Variants in ARL17B observed in about 807,000 individuals in gnomAD.
ARL17B encodes the protein ARF like GTPase 17B, also known as ADP-ribosylation factor-like protein 17.
At chr17:46,285,776 A>G (rs2049892195) in intron 4 of ARL17B, among the ~76,000 whole-genome samples, 1 of 152,234 alleles carries the variant, frequency 6.6e-6, no homozygotes, top group African/African-American at 2.4e-5. Context: ...GAGAGTCAGT[A>G]AATAATCACT....
At chr17:46,286,824 G>A (rs1384685629) in intron 4 of ARL17B, among the ~76,000 whole-genome samples, 1 of 152,260 alleles carries the variant, frequency 6.6e-6, no homozygotes, top group Non-Finnish European at 1.5e-5. Flanking sequence ...TGCAGATACA[G>A]TACAATTCCT....
At chr17:46,286,138 T>C (rs1346426787) in intron 4 of ARL17B, among the ~76,000 whole-genome samples, 2 of 152,272 alleles carry the variant, frequency 1.3e-5, no homozygotes, top group Non-Finnish European at 2.9e-5. Flanking sequence ...GATGGGATGA[T>C]GTTACTTATA....
At chr17:46,317,596 TCTC>T (rs898387450) in intron 3 of ARL17B, among the ~76,000 whole-genome samples, 1 of 18,894 alleles carries the variant, frequency 5.3e-5, no homozygotes, top group African/African-American at 1.2e-4. Flanking sequence ...CTGTTTTTCT[TCTC>T]CTGGGACGCT....
intron 4 of ARL17B, among the ~76,000 whole-genome samples, chr17:46,287,624 G>T (rs1257268232): frequency 6.6e-6 from 1 of 152,262 alleles, no homozygotes; most frequent in East Asian, 1.9e-4. Context: ...ATGGAATATG[G>T]CATGGGCCAC....
At chr17:46,291,287 T>TA (rs1036979030) in intron 4 of ARL17B, among the ~76,000 whole-genome samples, 1 of 151,734 alleles carries the variant, frequency 6.6e-6, no homozygotes, top group African/African-American at 2.4e-5. Flanking sequence ...CAAGTGAGAG[T>TA]AAAATATAAA....
exon 5 of ARL17B, chr17:46,275,134 C>T (rs2696538): frequency 0.16 from 35,313 of 219,790 alleles, 2 homozygotes; most frequent in Middle Eastern, 0.25. Flanking sequence ...TCAGATGATC[C>T]GCCCGCCTTG....
At chr17:46,279,884 C>G (rs1364762372) in intron 4 of ARL17B, among the ~76,000 whole-genome samples, 2 of 152,164 alleles carry the variant, frequency 1.3e-5, no homozygotes, top group African/African-American at 2.4e-5. Flanking sequence ...TTAATCATAG[C>G]CTTATGTTTT....
At chr17:46,291,538 G>C (rs1415608921) in intron 4 of ARL17B, among the ~76,000 whole-genome samples, 4 of 151,854 alleles carry the variant, frequency 2.6e-5, no homozygotes, top group African/African-American at 7.3e-5. Flanking sequence ...GCTACACTGG[G>C]CTTCAGGAGA....
At chr17:46,286,277 T>TA (rs946248233) in intron 4 of ARL17B, among the ~76,000 whole-genome samples, 2 of 152,206 alleles carry the variant, frequency 1.3e-5, no homozygotes, top group African/African-American at 4.8e-5. Context: ...GAACAAGCAG[T>TA]AAAAAAATTT....
intron 4 of ARL17B, among the ~76,000 whole-genome samples, chr17:46,279,514 T>C (rs2049700324): frequency 6.6e-6 from 1 of 150,392 alleles, no homozygotes; most frequent in Non-Finnish European, 1.5e-5. Flanking sequence ...TTTTTTTTTT[T>C]TTTTTGAGAT....
chr17:46,291,567 C>T (rs2050068172), intron 4 of ARL17B, among the ~76,000 whole-genome samples: 1 of 151,606 alleles, frequency 6.6e-6, no homozygotes, highest in East Asian at 1.9e-4. Context: ...CAACACTCCT[C>T]TCACTCAAAA....
intron 4 of ARL17B, among the ~76,000 whole-genome samples, chr17:46,277,538 T>C (rs2732699): frequency 0.88 from 133,610 of 152,276 alleles, 57,479 homozygotes; most frequent in East Asian, 1. Flanking sequence ...AATGAGAAGT[T>C]GTGCTCCTCT....
At chr17:46,288,706 C>CTTTTTTTTTTTTTT (rs199591277) in intron 4 of ARL17B, among the ~76,000 whole-genome samples, 1 of 139,056 alleles carries the variant, frequency 7.2e-6, no homozygotes. Flanking sequence ...CTTGTTTTTT[C>CTTTTTTTTTTTTTT]TTTTTTTTTT....
At chr17:46,287,883 A>C (rs1319724695) in intron 4 of ARL17B, among the ~76,000 whole-genome samples, 1 of 152,242 alleles carries the variant, frequency 6.6e-6, no homozygotes, top group African/African-American at 2.4e-5. Flanking sequence ...ATGACAAAAG[A>C]AAAAGTAAAT....
At chr17:46,283,371 G>A (rs1017606482) in intron 4 of ARL17B, among the ~76,000 whole-genome samples, 2 of 152,238 alleles carry the variant, frequency 1.3e-5, no homozygotes, top group African/African-American at 4.8e-5. Context: ...CTGGTTCAAG[G>A]AAAGGCTGGG....
At chr17:46,279,272 G>A (rs1386835263) in intron 4 of ARL17B, among the ~76,000 whole-genome samples, 1 of 146,860 alleles carries the variant, frequency 6.8e-6, no homozygotes, top group Non-Finnish European at 1.5e-5. Flanking sequence ...CAACCTCCAC[G>A]TCTCAGGTTT....
chr17:46,277,657 T>TC (rs879603469), intron 4 of ARL17B, among the ~76,000 whole-genome samples: 15,897 of 134,434 alleles, frequency 0.12, 3 homozygotes, highest in Middle Eastern at 0.18. Flanking sequence ...TTCTTTCTTT[T>TC]TTTTTTTTTG....
chr17:46,348,937 T>C (rs1289367386), intron 3 of ARL17B, among the ~76,000 whole-genome samples: 1 of 147,260 alleles, frequency 6.8e-6, no homozygotes, highest in Non-Finnish European at 1.5e-5. Context: ...TGCAGAGGAA[T>C]AACAAGATTT....
intron 3 of ARL17B, among the ~76,000 whole-genome samples, chr17:46,340,818 A>G (rs1337950188): frequency 1.3e-5 from 1 of 78,864 alleles, no homozygotes; most frequent in Non-Finnish European, 3.5e-5. Context: ...CTGGGATTAC[A>G]GGCATGAGTC....
Sources: allele counts gnomAD v4.1 joint callset (sites outside exome capture counted in the v4.1 genomes callset), GRCh38; gene constraint gnomAD v4.1.1; transcripts MANE v1.5; gene names NCBI Gene and HGNC (gene_info 2026-07-23, HGNC 2026-07-21).